Variants in MGLL observed in about 807,000 individuals in gnomAD.
MGLL encodes monoglyceride lipase.
A neutral mutation model predicts 29.1 loss-of-function variants in MGLL; 7 were observed. That is an observed-to-expected ratio of 0.24 (90% CI 0.14 to 0.45). The LOEUF (loss-of-function observed/expected upper bound fraction) is 0.45. MGLL is among the 20% of genes least tolerant of loss of function. MGLL has a pLI of 0.99. For missense variants in MGLL, 356 were observed against 413.6 expected (o/e 0.86, Z 1.21); for synonymous variants, 148 against 168.3 (o/e 0.88, Z 0.93).
intron 2 of MGLL, 34 bp from the exon 3 acceptor site, chr3:127,781,929 G>C (rs1175254693): frequency 1.2e-6 from 2 of 1,604,504 alleles, no homozygotes; most frequent in African/African-American, 2.7e-5. Flanking sequence ...GGTTAGGAAA[G>C]CCCACACGGG....
chr3:127,783,783 A>G (rs778368538), intron 2 of MGLL: 1 of 152,174 alleles, frequency 6.6e-6, no homozygotes, highest in South Asian at 2.1e-4. Flanking sequence ...ACACCTGCCC[A>G]CCTGATATTT....
intron 3 of MGLL, among the ~76,000 whole-genome samples, chr3:127,760,428 G>A (rs988886605): frequency 2.0e-5 from 3 of 152,256 alleles, no homozygotes; most frequent in Non-Finnish European, 4.4e-5. Context: ...AGGAATGAAG[G>A]TGAAAGGACC....
intron 5 of MGLL, 120 bp downstream of exon 5, chr3:127,720,933 G>T (rs541968917): frequency 1.2e-6 from 1 of 844,660 alleles, no homozygotes; most frequent in Non-Finnish European, 2.0e-6. Flanking sequence ...AACCCCTCAC[G>T]CAATAGTGTC....
At chr3:127,755,561 C>G (rs970878976) in intron 3 of MGLL, among the ~76,000 whole-genome samples, 2 of 152,274 alleles carry the variant, frequency 1.3e-5, no homozygotes, top group African/African-American at 2.4e-5. Flanking sequence ...CATGCAGCGG[C>G]GAGACTCAGT....
chr3:127,706,872 G>A (rs1042302974), intron 6 of MGLL, among the ~76,000 whole-genome samples: 1 of 152,220 alleles, frequency 6.6e-6, no homozygotes. Context: ...CTGTGGTTAC[G>A]CTTAAGTCGA....
chr3:127,822,670 C>A (rs943002139), upstream of MGLL: 7 of 322,844 alleles, frequency 2.2e-5, no homozygotes, highest in Non-Finnish European at 4.0e-5. Flanking sequence ...CGAGGCACCT[C>A]GCAGACGCAC....
chr3:127,784,635 C>T (rs542601377), intron 2 of MGLL, among the ~76,000 whole-genome samples: 71 of 152,276 alleles, frequency 4.7e-4, no homozygotes, highest in Admixed American at 4.0e-3. Flanking sequence ...CAGCCCCACA[C>T]TTCCACCCCC....
chr3:127,719,734 G>A (rs750880784), intron 5 of MGLL, among the ~76,000 whole-genome samples: 16 of 152,330 alleles, frequency 1.1e-4, no homozygotes, highest in Non-Finnish European at 1.6e-4. Flanking sequence ...GCATTGTGAT[G>A]CTAAGGGACC....
rs1248493529 is a variant in MGLL at position 127,710,657 on chromosome 3, A to G, written c.519T>C (p.Ala173=). ...GCAGCACAAGGTTGAGCACTTTCGC[A>G]GCAAGGACCTAGCCGGGGAGGGAAA... ...PESATTFKVL[A]AKVLNLVLPN... The change falls in exon 6 of 8, where the codon GCT becomes GCC. Residue 173 remains alanine (A), a synonymous_variant. Coordinates refer to ENST00000265052, the MANE Select transcript of MGLL (RefSeq NM_007283.7). 4 of 1,569,610 alleles carry G rather than the reference A, an allele frequency of 2.5e-6. No individual in the cohort carries two copies. The Admixed American group carries it at 5.7e-5, about 22-fold the overall frequency.
intron 3 of MGLL, among the ~76,000 whole-genome samples, chr3:127,740,903 C>T (rs561876737): frequency 4.6e-5 from 7 of 152,288 alleles, no homozygotes; most frequent in South Asian, 2.1e-4. Flanking sequence ...GGGAGTAGAA[C>T]GCCCCCAAAG....
chr3:127,692,849 A>G (rs771153773), intron 7 of MGLL, among the ~76,000 whole-genome samples: 2 of 151,800 alleles, frequency 1.3e-5, no homozygotes, highest in Non-Finnish European at 1.5e-5. Context: ...TTAACTTTTG[A>G]TTTTCTTTCA....
intron 3 of MGLL, among the ~76,000 whole-genome samples, chr3:127,743,686 G>A (rs553648685): frequency 1.3e-5 from 2 of 151,018 alleles, no homozygotes; most frequent in South Asian, 2.1e-4. Context: ...CAAGAACTGC[G>A]TGCCACCCCT....
chr3:127,716,505 C>A lies in MGLL; in HGVS notation c.510+4548G>T, dbSNP rs573045329. ...GCAGCTTTGCAACAAATGACACAGT[C>A]ATCCACAAATAGGGCAACTGTCCCA... On this transcript the variant is annotated intron_variant, in intron 5 of 7. Coordinates refer to ENST00000265052, the MANE Select transcript of MGLL (RefSeq NM_007283.7). Among the ~76,000 whole-genome samples, 444 of 152,376 alleles carry A rather than the reference C, an allele frequency of 2.9e-3. 4 individuals carry two copies. Among genetic ancestry groups the A allele is most frequent in the African/African-American group, 0.01 (423 of 41,588 alleles).
intron 3 of MGLL, among the ~76,000 whole-genome samples, chr3:127,754,785 T>C (rs576588470): frequency 2.0e-5 from 3 of 152,322 alleles, no homozygotes; most frequent in East Asian, 1.9e-4. Flanking sequence ...CCCCCGCAGC[T>C]GCTGAGAAAA....
intron 3 of MGLL, among the ~76,000 whole-genome samples, 165 bp downstream of exon 3, chr3:127,781,624 G>A (rs983138712): frequency 6.6e-6 from 1 of 152,172 alleles, no homozygotes; most frequent in Non-Finnish European, 1.5e-5. Context: ...GAATCTGCTC[G>A]TCAGACATTT....
chr3:127,729,259 CTG>C (rs2076103024), intron 3 of MGLL, among the ~76,000 whole-genome samples: 1 of 152,164 alleles, frequency 6.6e-6, no homozygotes, highest in South Asian at 2.1e-4. Context: ...GCCATATTTT[CTG>C]TGACTTATAT....
At chr3:127,772,490 TCACG>T (rs2076966370) in intron 3 of MGLL, among the ~76,000 whole-genome samples, 1 of 152,162 alleles carries the variant, frequency 6.6e-6, no homozygotes, top group Admixed American at 6.5e-5. Context: ...GGAAGGAAGG[TCACG>T]TGAACCGTCC....
intron 3 of MGLL, among the ~76,000 whole-genome samples, chr3:127,749,251 T>C (rs767847910): frequency 6.6e-6 from 1 of 152,220 alleles, no homozygotes; most frequent in Non-Finnish European, 1.5e-5. Context: ...TTAGTGACTG[T>C]CTTGACTTTT....
chr3:127,725,016 A>G (rs1173971583), intron 3 of MGLL, among the ~76,000 whole-genome samples: 2 of 151,834 alleles, frequency 1.3e-5, no homozygotes, highest in Admixed American at 1.3e-4. Context: ...ACAGCCCCCA[A>G]GCTGCCCTCT....
Sources: gnomAD v4.1 joint callset for allele counts (sites outside exome capture counted in the v4.1 genomes callset) on GRCh38, gnomAD v4.1.1 for gene constraint, MANE v1.5 for transcripts, NCBI Gene and HGNC (gene_info 2026-07-23, HGNC 2026-07-21) for gene names.